PHKB: variants seen among roughly 807,000 people sequenced by gnomAD.
The protein encoded by PHKB is phosphorylase b kinase regulatory subunit beta.
A neutral mutation model predicts 152.1 loss-of-function variants in PHKB; 122 were observed. The ratio of observed to expected loss-of-function variants is 0.80; its 90% confidence interval spans 0.69 to 0.93. The LOEUF (loss-of-function observed/expected upper bound fraction) is 0.93. Ranked by LOEUF, PHKB falls within the 40% of genes least tolerant of loss-of-function variation. PHKB has a pLI of 0.00. For synonymous variants in PHKB, 436 were observed against 464.9 expected (o/e 0.94, Z 0.80); for missense variants, 1,304 against 1,328.4 (o/e 0.98, Z 0.29).
chr16:47,681,672 G>A (rs372917836), intron 26 of PHKB, among the ~76,000 whole-genome samples: 120 of 152,178 alleles, frequency 7.9e-4, no homozygotes, highest in African/African-American at 2.3e-3. Context: ...GTCTCTGCAC[G>A]TGAGATGGGT....
chr16:47,641,824 A>G, intron 16 of PHKB, 132 bp downstream of exon 16: 1 of 682,814 alleles, frequency 1.5e-6, no homozygotes, highest in Non-Finnish European at 2.7e-6. Flanking sequence ...AAAGCTTCTA[A>G]TTAAATTGAG....
At position 47,664,969 on chromosome 16, in the gene PHKB, G is replaced by GA. The variant is rs748959608; in HGVS notation, c.2424dup (p.Gln809ThrfsTer10). On this transcript the variant is annotated frameshift_variant, in exon 25 of 31. Coordinates refer to ENST00000323584, the MANE Select transcript of PHKB (RefSeq NM_000293.3). LOFTEE classifies it high-confidence loss of function. ...ACATTACTACTTTTCTGGTACATGG[G>GA]AAACAGGTAACATGCACAGAATTTG... is the stretch of plus-strand genomic sequence containing the variant. The GA allele has an allele frequency of 6.2e-7, 1 of 1,604,976 alleles. No homozygotes were observed. Among genetic ancestry groups the GA allele is most frequent in the Non-Finnish European group, 8.5e-7 (1 of 1,171,774 alleles).
chr16:47,589,956 A>AT (rs1459581018), intron 10 of PHKB, among the ~76,000 whole-genome samples: 3 of 151,924 alleles, frequency 2.0e-5, no homozygotes, highest in African/African-American at 7.3e-5. Context: ...AGCCCAGCTA[A>AT]TTTTTTTGTG....
intron 20 of PHKB, among the ~76,000 whole-genome samples, chr16:47,659,058 C>T (rs957965288): frequency 2.6e-5 from 4 of 152,184 alleles, no homozygotes; most frequent in Non-Finnish European, 5.9e-5. Flanking sequence ...ATTCAATGAA[C>T]CTGCCTAGGC....
At chr16:47,510,171 G>A (rs1245802596) in intron 4 of PHKB, among the ~76,000 whole-genome samples, 1 of 152,164 alleles carries the variant, frequency 6.6e-6, no homozygotes, top group African/African-American at 2.4e-5. Context: ...GCATGCAGAT[G>A]TGTTCACAGA....
chr16:47,531,320 G>A (rs1194863062), intron 6 of PHKB, among the ~76,000 whole-genome samples: 1 of 152,110 alleles, frequency 6.6e-6, no homozygotes, highest in Non-Finnish European at 1.5e-5. Context: ...AAGGCACAAA[G>A]GTTATACTTT....
chr16:47,587,793 A>G (rs1412662523), intron 9 of PHKB, 30 bp downstream of exon 9: 5 of 1,423,514 alleles, frequency 3.5e-6, no homozygotes, highest in South Asian at 3.4e-5. Flanking sequence ...TAAATTTAAC[A>G]TGAACTATTG....
intron 26 of PHKB, among the ~76,000 whole-genome samples, chr16:47,687,204 TAAG>T (rs1973979884): frequency 6.6e-6 from 1 of 152,302 alleles, no homozygotes; most frequent in East Asian, 1.9e-4. Context: ...ATAAATAAAA[TAAG>T]TAGAAGACAA....
chr16:47,552,109 T>C (rs1971282165), intron 7 of PHKB, among the ~76,000 whole-genome samples: 1 of 152,164 alleles, frequency 6.6e-6, no homozygotes, highest in Non-Finnish European at 1.5e-5. Context: ...CTATGTGTCT[T>C]TGCACATGAG....
intron 1 of PHKB, among the ~76,000 whole-genome samples, chr16:47,491,149 C>T (rs1338485287): frequency 1.3e-5 from 2 of 152,074 alleles, no homozygotes; most frequent in Non-Finnish European, 2.9e-5. Flanking sequence ...AATTGTGTGC[C>T]AGATACAGCC....
intron 22 of PHKB, among the ~76,000 whole-genome samples, chr16:47,661,379 T>C (rs1233981528): frequency 6.6e-6 from 1 of 152,168 alleles, no homozygotes; most frequent in African/African-American, 2.4e-5. Context: ...CCTGGCCAAG[T>C]CTCTCAGAGA....
chr16:47,673,268 C>G (rs1333126863), intron 26 of PHKB, among the ~76,000 whole-genome samples: 1 of 151,936 alleles, frequency 6.6e-6, no homozygotes, highest in African/African-American at 2.4e-5. Flanking sequence ...GATTGTTTAA[C>G]ATACGGTATA....
chr16:47,550,452 A>G (rs563431255), intron 7 of PHKB, among the ~76,000 whole-genome samples: 20 of 152,368 alleles, frequency 1.3e-4, no homozygotes, highest in African/African-American at 2.6e-4. Context: ...AATACTTGCC[A>G]TAAGTACTTA....
intron 7 of PHKB, among the ~76,000 whole-genome samples, chr16:47,576,379 G>A (rs1262655078): frequency 1.3e-5 from 2 of 152,078 alleles, no homozygotes; most frequent in Non-Finnish European, 2.9e-5. Context: ...TTATTGAACC[G>A]GCCTTGTTTC....
chr16:47,476,028 C>T (rs781775606), intron 1 of PHKB, among the ~76,000 whole-genome samples: 1 of 152,134 alleles, frequency 6.6e-6, no homozygotes, highest in Non-Finnish European at 1.5e-5. Context: ...CCACCATGCC[C>T]AGCTAATTTT....
chr16:47,646,726 A>G (rs1973135335), intron 16 of PHKB, among the ~76,000 whole-genome samples: 1 of 152,058 alleles, frequency 6.6e-6, no homozygotes, highest in Admixed American at 6.5e-5. Flanking sequence ...CACAGTTAAT[A>G]CCAATGTAAA....
At position 47,547,525 on chromosome 16, in the gene PHKB, T is replaced by C. The variant is rs1386229757; in HGVS notation, c.687T>C (p.Asn229=). 6.2e-7 allele frequency: 1 copy of C among 1,604,436 alleles called. No individual in the cohort carries two copies. Among genetic ancestry groups the C allele is most frequent in the Admixed American group, 1.7e-5 (1 of 60,008 alleles). ...GGGAAAGAGGAAGCAAATATAATAA[T>C]GGCAGCACAGAGCTACATTCGAGGT... is the stretch of plus-strand genomic sequence containing the variant. ...GVWERGSKYN[N]GSTELHSSSV... The change falls in exon 7 of 31, where the codon AAT becomes AAC. Residue 229 remains asparagine (N), a synonymous_variant. Transcript: ENST00000323584.
intron 1 of PHKB, among the ~76,000 whole-genome samples, chr16:47,472,760 C>T (rs186566546): frequency 9.9e-5 from 15 of 151,150 alleles, no homozygotes; most frequent in African/African-American, 1.5e-4. Flanking sequence ...CCAGCCTGGG[C>T]GACAGGGCGA....
chr16:47,666,593 G>C (rs1397152702), intron 25 of PHKB, among the ~76,000 whole-genome samples: 1 of 152,182 alleles, frequency 6.6e-6, no homozygotes, highest in Admixed American at 6.5e-5. Flanking sequence ...TCTCACAATA[G>C]GTCTGTGACA....
Sources: allele counts gnomAD v4.1 joint callset (sites outside exome capture counted in the v4.1 genomes callset), GRCh38; gene constraint gnomAD v4.1.1; transcripts MANE v1.5; gene names NCBI Gene and HGNC (gene_info 2026-07-23, HGNC 2026-07-21).